The following RHBDD1 variants were observed in gnomAD, a reference collection of about 807,000 sequenced individuals.
RHBDD1 encodes the protein rhomboid-related protein 4.
A neutral mutation model predicts 36.3 loss-of-function variants in RHBDD1; 38 were observed. The observed-to-expected ratio is 1.05, with a 90% CI of 0.81 to 1.37. The LOEUF is 1.37. RHBDD1 is among the 40% of genes most tolerant of loss of function. RHBDD1 has a pLI of 0.00. For synonymous variants in RHBDD1, 151 were observed against 136.5 expected (o/e 1.11, Z -0.74); for missense variants, 393 against 377.6 (o/e 1.04, Z -0.34).
chr2:226,800,704 A>T, the RHBDD1 span, among the ~76,000 whole-genome samples: 3 of 152,244 alleles, frequency 2.0e-5, no homozygotes, highest in African/African-American at 7.2e-5. Flanking sequence ...CAGAGGGTTC[A>T]TAAGGCCAAA....
At chr2:226,936,253 A>G (rs1950321852) in intron 8 of RHBDD1, among the ~76,000 whole-genome samples, 1 of 152,274 alleles carries the variant, frequency 6.6e-6, no homozygotes, top group South Asian at 2.1e-4. Flanking sequence ...AAATTTTACA[A>G]CAGATTGTGC....
intron 8 of RHBDD1, among the ~76,000 whole-genome samples, chr2:226,981,951 G>C (rs1255549128): frequency 6.6e-6 from 1 of 152,226 alleles, no homozygotes; most frequent in Non-Finnish European, 1.5e-5. Context: ...CATGGTCCAA[G>C]TTATCTAGAC....
At chr2:226,984,986 G>C (rs1027850605) in intron 8 of RHBDD1, among the ~76,000 whole-genome samples, 8 of 152,082 alleles carry the variant, frequency 5.3e-5, no homozygotes, top group East Asian at 3.9e-4. Flanking sequence ...AAGTACAAGT[G>C]GGGGGTTTGA....
chr2:226,827,217 G>A, the RHBDD1 span, among the ~76,000 whole-genome samples: 16 of 152,188 alleles, frequency 1.1e-4, no homozygotes, highest in African/African-American at 3.6e-4. Context: ...CACCTGCCTT[G>A]GCCTCCCAAA....
intron 8 of RHBDD1, among the ~76,000 whole-genome samples, chr2:226,918,768 T>G (rs1451341824): frequency 6.6e-6 from 1 of 152,106 alleles, no homozygotes; most frequent in Admixed American, 6.6e-5. Flanking sequence ...AGTGCTACAG[T>G]AAACATGGGA....
the RHBDD1 span, among the ~76,000 whole-genome samples, chr2:226,816,293 G>A: frequency 1.4e-5 from 2 of 148,128 alleles, no homozygotes; most frequent in Non-Finnish European, 1.5e-5. Context: ...ACCCATCACC[G>A]TGCCCAGAAA....
intron 8 of RHBDD1, among the ~76,000 whole-genome samples, chr2:226,928,746 A>T (rs1311968213): frequency 1.3e-5 from 2 of 152,076 alleles, no homozygotes; most frequent in East Asian, 3.8e-4. Flanking sequence ...ACAAAATCAT[A>T]GACCGTTAGC....
chr2:226,814,991 G>A, the RHBDD1 span, among the ~76,000 whole-genome samples: 1 of 152,182 alleles, frequency 6.6e-6, no homozygotes. Context: ...TGACCTACTG[G>A]GTTGCCTATG....
Position 226,900,502 on chromosome 2 carries a change from A to G in RHBDD1, c.567-6291A>G, listed in dbSNP as rs561827270. 1.8e-4 allele frequency among the ~76,000 whole-genome samples: 27 copies of G among 152,304 alleles called. No homozygotes were observed. In the South Asian group the frequency reaches 4.6e-3, roughly 26 times the overall value. On this transcript the variant is annotated intron_variant, in intron 5 of 8. Coordinates refer to ENST00000392062, the MANE Select transcript of RHBDD1 (RefSeq NM_001167608.3). The stretch of plus-strand genomic sequence containing the variant: ...GATTTTTCTAAAGAGAGTCACTATT[A>G]AGCTAACAGAAGAAATAAAGCTTTT...
chr2:226,978,520 C>G (rs1955000759), intron 8 of RHBDD1, among the ~76,000 whole-genome samples: 2 of 152,178 alleles, frequency 1.3e-5, no homozygotes, highest in Non-Finnish European at 2.9e-5. Context: ...GAGCCTCAGT[C>G]TTTACATCTG....
chr2:226,904,437 A>C (rs1399621547), intron 5 of RHBDD1, among the ~76,000 whole-genome samples: 3 of 145,230 alleles, frequency 2.1e-5, no homozygotes, highest in Admixed American at 6.8e-5. Context: ...GGGTCAGGGA[A>C]CTCCTGTTTC....
rs146863019 is a variant in RHBDD1 at position 226,923,820 on chromosome 2, C to T, written c.856+9469C>T. Among the ~76,000 whole-genome samples the T allele has an allele frequency of 5.6e-3, 852 of 152,134 alleles. 6 individuals are homozygous for T. The highest frequency in any genetic ancestry group is 0.02 in the African/African-American group (813 of 41,518). On this transcript the variant is annotated intron_variant, in intron 8 of 8. Transcript: ENST00000392062. ...TCAGTATGTCAATTACATTTTTCAA[C>T]TCCAGAATTTCTTCTTGATTTGTTT...
upstream of RHBDD1, among the ~76,000 whole-genome samples, chr2:226,835,163 G>A (rs914054389): frequency 9.9e-5 from 15 of 151,720 alleles, no homozygotes; most frequent in African/African-American, 3.4e-4. Context: ...CTCCTGCCTC[G>A]ACCTCCCAAA....
At chr2:226,904,084 A>C (rs1947825512) in intron 5 of RHBDD1, among the ~76,000 whole-genome samples, 1 of 152,098 alleles carries the variant, frequency 6.6e-6, no homozygotes, top group Non-Finnish European at 1.5e-5. Context: ...GTGTGATCTG[A>C]TTTTTCCTGG....
chr2:226,836,120 G>GGCC (rs936746743), intron 1 of RHBDD1, 33 bp downstream of exon 1: 18 of 152,882 alleles, frequency 1.2e-4, no homozygotes, highest in African/African-American at 4.3e-4. Context: ...TCCGGCTGCT[G>GGCC]TCGTTGGTTG....
chr2:226,910,440 T>C (rs1189670711), intron 7 of RHBDD1, among the ~76,000 whole-genome samples: 2 of 152,170 alleles, frequency 1.3e-5, no homozygotes, highest in East Asian at 3.9e-4. Flanking sequence ...ATGTATATCT[T>C]ACAAGTAATG....
At chr2:226,982,297 G>A (rs1337091185) in intron 8 of RHBDD1, among the ~76,000 whole-genome samples, 1 of 152,252 alleles carries the variant, frequency 6.6e-6, no homozygotes, top group Non-Finnish European at 1.5e-5. Flanking sequence ...CCAGGTGGCT[G>A]TCAGCTTTAA....
chr2:226,889,965 G>A (rs1429377523), intron 5 of RHBDD1, among the ~76,000 whole-genome samples: 1 of 152,116 alleles, frequency 6.6e-6, no homozygotes, highest in Non-Finnish European at 1.5e-5. Context: ...GGACTTGTTG[G>A]GAAAATTAAA....
upstream of RHBDD1, among the ~76,000 whole-genome samples, chr2:226,832,548 T>C (rs1023015783): frequency 6.6e-6 from 1 of 152,184 alleles, no homozygotes; most frequent in African/African-American, 2.4e-5. Context: ...CTACACATTA[T>C]TGTGAGTAGG....
Sources: allele counts gnomAD v4.1 joint callset (sites outside exome capture counted in the v4.1 genomes callset), GRCh38; gene constraint gnomAD v4.1.1; transcripts MANE v1.5; gene names NCBI Gene and HGNC (gene_info 2026-07-23, HGNC 2026-07-21).